The following TIAM2 variants were observed in gnomAD, a reference collection of about 807,000 sequenced individuals.
The protein encoded by TIAM2 is rho guanine nucleotide exchange factor TIAM2.
In TIAM2, 80 loss-of-function variants were observed where a neutral mutation model predicts 152.9. The ratio of observed to expected loss-of-function variants is 0.52; its 90% confidence interval spans 0.44 to 0.63. The LOEUF is 0.63. Ranked by LOEUF, TIAM2 falls within the 30% of genes least tolerant of loss-of-function variation. TIAM2 has a pLI of 0.00. For missense variants in TIAM2, 1,965 were observed against 2,120.1 expected, an observed-to-expected ratio of 0.93 and a Z score of 1.44; for synonymous variants, 804 against 838.0, an observed-to-expected ratio of 0.96 and a Z score of 0.70.
chr6:155,178,358 A>C (rs1422912926), intron 10 of TIAM2, among the ~76,000 whole-genome samples: 2 of 152,076 alleles, frequency 1.3e-5, no homozygotes, highest in East Asian at 3.9e-4. Flanking sequence ...ACATTTTACA[A>C]ATTTCTGTAC....
At chr6:155,070,276 A>G (rs925057312) in intron 1 of TIAM2, among the ~76,000 whole-genome samples, 16 of 119,668 alleles carry the variant, frequency 1.3e-4, no homozygotes, top group Admixed American at 1.3e-3. Context: ...GCTGGAGTAC[A>G]GTGGGGCGAT....
In TIAM2 at chr6:155,104,717, T is replaced by A. The variant is rs189660953; in HGVS notation, c.-118+14338T>A. ...GGTTGCCGTGAGCCGAGATCGTGCC[T>A]CTGCACTCCAGCCTGGGCAACAGAG... On this transcript the variant is annotated intron_variant, in intron 2 of 26. Coordinates refer to ENST00000682666, the MANE Select transcript of TIAM2 (RefSeq NM_012454.4). Among the ~76,000 whole-genome samples, 1,461 of 148,568 alleles carry A rather than the reference T, an allele frequency of 9.8e-3. 29 individuals carry two copies. The highest frequency in any genetic ancestry group is 0.034 in the African/African-American group (1,362 of 39,902).
intron 4 of TIAM2, among the ~76,000 whole-genome samples, chr6:155,133,306 C>T (rs563177228): frequency 6.6e-6 from 1 of 152,134 alleles, no homozygotes; most frequent in Non-Finnish European, 1.5e-5. Context: ...GAGATCACGC[C>T]AGCGCACTCC....
Position 154,996,823 on chromosome 6 carries a change from C to T in TIAM2, c.-209+1331C>T, listed in dbSNP as rs532580143. Among the ~76,000 whole-genome samples the T allele has an allele frequency of 3.3e-5, 5 of 152,252 alleles. No homozygotes were observed. The South Asian group carries it at 8.3e-4, about 25-fold the overall frequency. Reference sequence around the variant, plus strand: ...TTTTGTAAGCAAACTTTTGTTCCACCGGATTTTACCTGCTCACTTTATAGG... The same window carrying T: ...TTTTGTAAGCAAACTTTTGTTCCACTGGATTTTACCTGCTCACTTTATAGG... On this transcript the variant is annotated intron_variant, in intron 1 of 26. Transcript: ENST00000682666.
intron 2 of TIAM2, among the ~76,000 whole-genome samples, chr6:155,091,908 AT>A (rs35157727): frequency 6.6e-6 from 1 of 151,918 alleles, no homozygotes; most frequent in African/African-American, 2.4e-5. Context: ...TATTATTGCT[AT>A]TTTTTTGAGA....
chr6:155,148,295 G>C lies in TIAM2; in HGVS notation c.1989G>C (p.Val663=). The C allele has an allele frequency of 6.2e-7, 1 of 1,612,242 alleles. No individual in the cohort carries two copies. The highest frequency in any genetic ancestry group is 1.1e-5 in the South Asian group (1 of 90,980). ...MKKMAELQLS[V]VSDPKNRKAI... ...AGATGGCAGAGCTGCAGCTGTCCGT[G>C]GTGAGCGACCCAAAGAACAGGAAAG... Residue 663 remains valine (V), a synonymous_variant, in exon 7 of 27, where the codon GTG becomes GTC. Transcript: ENST00000682666.
chr6:155,168,895 AAACTCCAGT>A, intron 9 of TIAM2: 1 of 1,535,618 alleles, frequency 6.5e-7, no homozygotes, highest in South Asian at 1.2e-5. Context: ...AGCTACCTCA[AAACTCCAGT>A]AACTCCAGTG....
chr6:155,229,357 T>C (rs776767871), intron 15 of TIAM2, among the ~76,000 whole-genome samples: 1 of 152,156 alleles, frequency 6.6e-6, no homozygotes, highest in Non-Finnish European at 1.5e-5. Flanking sequence ...ACTTGAGACA[T>C]TGAATGCCCT....
chr6:155,089,132 T>G (rs1450656525), intron 1 of TIAM2, among the ~76,000 whole-genome samples: 1 of 151,614 alleles, frequency 6.6e-6, no homozygotes, highest in Non-Finnish European at 1.5e-5. Context: ...AGTTTTAATA[T>G]ATAACCAGGT....
At chr6:155,118,833 A>G (rs1367196577) in intron 2 of TIAM2, among the ~76,000 whole-genome samples, 1 of 150,892 alleles carries the variant, frequency 6.6e-6, no homozygotes, top group African/African-American at 2.4e-5. Flanking sequence ...TTTCCTACCA[A>G]GAAGTTGAAT....
At chr6:155,050,058 T>C (rs983476648) in intron 1 of TIAM2, among the ~76,000 whole-genome samples, 3 of 152,252 alleles carry the variant, frequency 2.0e-5, no homozygotes, top group African/African-American at 7.2e-5. Context: ...TTCATTTTTT[T>C]CTCATCACAT....
chr6:155,131,830 C>T lies in TIAM2; in HGVS notation c.1194+1413C>T, dbSNP rs905253354. Among the ~76,000 whole-genome samples the T allele has an allele frequency of 5.9e-5, 9 of 152,188 alleles. No homozygotes were observed. The East Asian group carries it at 9.7e-4, about 16-fold the overall frequency. On this transcript the variant is annotated intron_variant, in intron 4 of 26. Coordinates refer to ENST00000682666, the MANE Select transcript of TIAM2 (RefSeq NM_012454.4). ...CTGACCTCAGGTGATCCACCTGCCTCGGCCTCCCAACATGCTGGGATTACA... is the reference window on the plus strand; with the variant it reads ...CTGACCTCAGGTGATCCACCTGCCTTGGCCTCCCAACATGCTGGGATTACA...
intron 1 of TIAM2, among the ~76,000 whole-genome samples, chr6:155,004,176 G>A (rs1021704731): frequency 4.6e-5 from 7 of 151,888 alleles, no homozygotes; most frequent in African/African-American, 1.7e-4. Context: ...GTGCCTAGCT[G>A]TGATGAGTAA....
intron 2 of TIAM2, among the ~76,000 whole-genome samples, chr6:155,093,621 G>T (rs141194087): frequency 2.6e-5 from 4 of 152,226 alleles, no homozygotes; most frequent in African/African-American, 4.8e-5. Context: ...TTCCTATAGA[G>T]CTGTGGAAAG....
intron 7 of TIAM2, among the ~76,000 whole-genome samples, chr6:155,150,479 C>A (rs988773377): frequency 6.6e-6 from 1 of 151,956 alleles, no homozygotes; most frequent in East Asian, 1.9e-4. Context: ...GGGTGTTGGG[C>A]GAGCATGGAG....
chr6:155,243,846 CAAAAAAAAAAA>C (rs59365890), intron 16 of TIAM2, among the ~76,000 whole-genome samples, 154 bp from the exon 17 acceptor site: 17 of 55,054 alleles, frequency 3.1e-4, no homozygotes, highest in East Asian at 1.3e-3. Flanking sequence ...GACTCCGTCT[CAAAAAAAAAAA>C]AAAAAAAAAA....
intron 1 of TIAM2, among the ~76,000 whole-genome samples, chr6:155,087,562 A>G (rs1186384264): frequency 6.6e-6 from 1 of 152,054 alleles, no homozygotes; most frequent in Non-Finnish European, 1.5e-5. Context: ...CAGCCTGGCC[A>G]ACATGGTGAA....
rs180936267 is a variant in TIAM2, at chr6:155,154,450, T to C, written c.2028+6116T>C. 5.0e-3 allele frequency among the ~76,000 whole-genome samples: 754 copies of C among 152,300 alleles called. 12 individuals are homozygous for C. Among genetic ancestry groups the C allele is most frequent in the African/African-American group, 0.018 (732 of 41,546 alleles). On this transcript the variant is annotated intron_variant, in intron 7 of 26. Transcript: ENST00000682666. ...CCGTGTCCTGGGCCTCTTGGGTGTTTCTGGGGCAGGATGATGCAGCTTTCA... is the reference window on the plus strand; with the variant it reads ...CCGTGTCCTGGGCCTCTTGGGTGTTCCTGGGGCAGGATGATGCAGCTTTCA...
chr6:155,200,198 G>T (rs1245784292), intron 14 of TIAM2, among the ~76,000 whole-genome samples: 1 of 152,152 alleles, frequency 6.6e-6, no homozygotes, highest in Non-Finnish European at 1.5e-5. Context: ...CTGAGGGTTG[G>T]GACTGATGAT....
Sources: gnomAD v4.1 joint callset for allele counts (sites outside exome capture counted in the v4.1 genomes callset) on GRCh38, gnomAD v4.1.1 for gene constraint, MANE v1.5 for transcripts, NCBI Gene and HGNC (gene_info 2026-07-23, HGNC 2026-07-21) for gene names.